Variants in DNM3 observed in about 807,000 individuals in gnomAD.
DNM3 encodes dynamin 3.
DNM3 carries 47 observed loss-of-function variants against 101.6 expected under a neutral mutation model. That is an observed-to-expected ratio of 0.46 (90% confidence interval 0.37 to 0.59). DNM3 has a LOEUF of 0.59. Ranked by LOEUF, DNM3 falls within the 20% of genes least tolerant of loss-of-function variation. The pLI is 0.00. For synonymous variants in DNM3, 385 were observed against 387.9 expected (o/e 0.99, Z 0.09); for missense variants, 849 against 1,085.7 (o/e 0.78, Z 3.06).
chr1:172,375,602 C>G (rs1276362055), intron 17 of DNM3, among the ~76,000 whole-genome samples: 1 of 151,958 alleles, frequency 6.6e-6, no homozygotes, highest in Non-Finnish European at 1.5e-5. Context: ...AGGGAAAAGA[C>G]AAAAACAAAA....
intron 15 of DNM3, among the ~76,000 whole-genome samples, chr1:172,266,024 T>C (rs2062845221): frequency 6.6e-6 from 1 of 152,238 alleles, no homozygotes. Flanking sequence ...GATGTTTCAC[T>C]ACTCCACTTA....
At chr1:171,957,144 A>G (rs1404295667) in intron 2 of DNM3, among the ~76,000 whole-genome samples, 2 of 150,902 alleles carry the variant, frequency 1.3e-5, no homozygotes, top group African/African-American at 4.9e-5. Context: ...GTAAATCTCT[A>G]CAGCCTGCTT....
chr1:172,364,562 G>A (rs761942190), intron 17 of DNM3, among the ~76,000 whole-genome samples: 6 of 151,862 alleles, frequency 4.0e-5, no homozygotes, highest in Non-Finnish European at 7.4e-5. Flanking sequence ...GCAAGAGCAA[G>A]AAATAGAGAG....
chr1:171,942,406 A>G (rs2041879718), intron 2 of DNM3, among the ~76,000 whole-genome samples: 3 of 152,154 alleles, frequency 2.0e-5, no homozygotes, highest in African/African-American at 4.8e-5. Flanking sequence ...AAATAAGCAT[A>G]TGCAAAACTA....
intron 1 of DNM3, among the ~76,000 whole-genome samples, chr1:171,918,019 G>A (rs1017120150): frequency 2.6e-5 from 4 of 152,142 alleles, no homozygotes; most frequent in African/African-American, 4.8e-5. Flanking sequence ...GTTGCTGAAG[G>A]CAGGCATAAG....
chr1:172,092,441 G>T (rs1422286892), intron 12 of DNM3, among the ~76,000 whole-genome samples: 1 of 152,138 alleles, frequency 6.6e-6, no homozygotes, highest in Non-Finnish European at 1.5e-5. Context: ...GGGTTGCTGT[G>T]AGAATAAAAA....
chr1:171,936,441 C>T (rs2041431504), intron 2 of DNM3, among the ~76,000 whole-genome samples: 1 of 152,098 alleles, frequency 6.6e-6, no homozygotes, highest in African/African-American at 2.4e-5. Context: ...GTTTTGTCTC[C>T]TGGATAATTT....
chr1:172,318,222 T>C (rs546171800), intron 16 of DNM3, among the ~76,000 whole-genome samples: 4 of 152,312 alleles, frequency 2.6e-5, no homozygotes, highest in African/African-American at 7.2e-5. Context: ...AATTAGGTAT[T>C]GATGGGACGT....
intron 17 of DNM3, among the ~76,000 whole-genome samples, chr1:172,363,982 C>G (rs2067878471): frequency 6.6e-6 from 1 of 151,840 alleles, no homozygotes; most frequent in African/African-American, 2.4e-5. Context: ...CTAGAAAACT[C>G]TTCTCTCTTG....
chr1:172,390,049 C>T (rs2069434609), intron 20 of DNM3, among the ~76,000 whole-genome samples: 1 of 152,182 alleles, frequency 6.6e-6, no homozygotes, highest in Admixed American at 6.5e-5. Flanking sequence ...GTTTGATACA[C>T]TGTAAAGACT....
At chr1:172,302,689 C>A (rs981771957) in intron 15 of DNM3, among the ~76,000 whole-genome samples, 6 of 152,072 alleles carry the variant, frequency 3.9e-5, no homozygotes, top group African/African-American at 1.4e-4. Flanking sequence ...GGTCAGACAG[C>A]AATATTTGCT....
intron 20 of DNM3, among the ~76,000 whole-genome samples, chr1:172,406,346 C>T (rs2070882998): frequency 6.6e-6 from 1 of 151,936 alleles, no homozygotes; most frequent in African/African-American, 2.4e-5. Flanking sequence ...TGACCTGCGC[C>T]CTTCAGAAAC....
intron 1 of DNM3, among the ~76,000 whole-genome samples, chr1:171,896,362 G>T (rs2037798283): frequency 6.6e-6 from 1 of 152,148 alleles, no homozygotes; most frequent in African/African-American, 2.4e-5. Flanking sequence ...CACATTCCTT[G>T]TAAGTTGGAT....
At chr1:171,988,306 A>T (rs2045410183) in intron 3 of DNM3, among the ~76,000 whole-genome samples, 1 of 152,146 alleles carries the variant, frequency 6.6e-6, no homozygotes. Context: ...TTAGTGGGCA[A>T]ATTTTCATTT....
chr1:172,073,410 G>A (rs1193007114), intron 11 of DNM3, among the ~76,000 whole-genome samples: 1 of 151,826 alleles, frequency 6.6e-6, no homozygotes, highest in Non-Finnish European at 1.5e-5. Context: ...TGTGTATATA[G>A]CACCCTATAT....
At position 172,103,763 on chromosome 1, in the gene DNM3, G is replaced by A. The variant is rs200167161; in HGVS notation, c.1545+10888G>A. On this transcript the variant is annotated intron_variant, in intron 13 of 20. Coordinates refer to ENST00000627582, the MANE Select transcript of DNM3 (RefSeq NM_015569.5). The stretch of plus-strand genomic sequence containing the variant: ...CACGCCTGTAATCCCAGCACTTTGG[G>A]GTGCCAAGGAGGGTGGATCACGAGG... Among the ~76,000 whole-genome samples the A allele has an allele frequency of 1.9e-4, 29 of 152,300 alleles. No individual in the cohort carries two copies. The East Asian group carries it at 4.4e-3, about 23-fold the overall frequency.
intron 2 of DNM3, among the ~76,000 whole-genome samples, chr1:171,976,332 A>G (rs1320866573): frequency 1.3e-5 from 2 of 152,222 alleles, no homozygotes; most frequent in East Asian, 1.9e-4. Flanking sequence ...TAAAAGAAAG[A>G]GGCTTAACTG....
intron 14 of DNM3, among the ~76,000 whole-genome samples, chr1:172,224,138 T>C (rs2061016408): frequency 6.6e-6 from 1 of 152,158 alleles, no homozygotes; most frequent in Non-Finnish European, 1.5e-5. Context: ...TCCTGACCTC[T>C]ATTCAGCCTG....
chr1:172,201,468 C>A (rs2060149214), intron 14 of DNM3, among the ~76,000 whole-genome samples: 1 of 152,126 alleles, frequency 6.6e-6, no homozygotes, highest in African/African-American at 2.4e-5. Flanking sequence ...GCCTTCACCC[C>A]AAAGAGATGC....
Sources: gnomAD v4.1 joint callset for allele counts (sites outside exome capture counted in the v4.1 genomes callset) on GRCh38, gnomAD v4.1.1 for gene constraint, MANE v1.5 for transcripts, NCBI Gene and HGNC (gene_info 2026-07-23, HGNC 2026-07-21) for gene names.